EPHA5: variants seen among roughly 807,000 people sequenced by gnomAD.
The protein encoded by EPHA5 is EPH receptor A5, also known as ephrin type-A receptor 5.
Under a neutral mutation model 105.0 loss-of-function variants are expected in EPHA5, and 60 were observed. That is an observed-to-expected ratio of 0.57 (90% CI 0.46 to 0.71). EPHA5 has a LOEUF of 0.71. Among genes scored for constraint, EPHA5 ranks in the 30% least tolerant of loss-of-function variants. The probability of loss-of-function intolerance (pLI) is 0.00; values close to 1 mark genes in which losing one functional copy is unlikely to be tolerated. For synonymous variants in EPHA5, 513 were observed against 449.1 expected (o/e 1.14, Z -1.80); for missense variants, 1,218 against 1,274.7 (o/e 0.96, Z 0.68).
At chr4:65,565,470 T>C (rs931642140) in intron 3 of EPHA5, among the ~76,000 whole-genome samples, 1 of 151,684 alleles carries the variant, frequency 6.6e-6, no homozygotes, top group African/African-American at 2.4e-5. Flanking sequence ...TAATAAGAGA[T>C]TTCCAATAAG....
At chr4:65,399,430 T>C (rs1721594706) in intron 8 of EPHA5, among the ~76,000 whole-genome samples, 1 of 152,062 alleles carries the variant, frequency 6.6e-6, no homozygotes, top group Non-Finnish European at 1.5e-5. Context: ...CCAGGGCGAG[T>C]GGGCAGAACG....
intron 1 of EPHA5, among the ~76,000 whole-genome samples, chr4:65,645,016 T>C (rs966216126): frequency 6.6e-6 from 1 of 152,200 alleles, no homozygotes; most frequent in South Asian, 2.1e-4. Context: ...TGTTAATTTC[T>C]TAAAGGAATG....
At chr4:65,519,812 A>G (rs1400921220) in intron 3 of EPHA5, among the ~76,000 whole-genome samples, 3 of 152,136 alleles carry the variant, frequency 2.0e-5, no homozygotes, top group Non-Finnish European at 4.4e-5. Context: ...TAGGAATCCA[A>G]CTTACAAGTG....
At chr4:65,474,703 G>A (rs1050008293) in intron 5 of EPHA5, among the ~76,000 whole-genome samples, 2 of 152,138 alleles carry the variant, frequency 1.3e-5, no homozygotes, top group African/African-American at 4.8e-5. Context: ...CTACAAAATA[G>A]CTAAGTTGCT....
chr4:65,650,435 C>A (rs944650383), intron 1 of EPHA5, among the ~76,000 whole-genome samples: 1 of 151,618 alleles, frequency 6.6e-6, no homozygotes, highest in African/African-American at 2.4e-5. Flanking sequence ...TGGCGGGCGC[C>A]CGTAGTCCCA....
rs555589626 is a variant in EPHA5 at position 65,429,980 on chromosome 4, A to G, written c.1403-9415T>C. ...ATGACAGCCTGGAACTAGAGAAAAT[A>G]CAGGATTAGTGATTGCAGCTGGTCA... On this transcript the variant is annotated intron_variant, in intron 5 of 16. Transcript: ENST00000613740. Among the ~76,000 whole-genome samples, 12 of 152,232 alleles carry G rather than the reference A, an allele frequency of 7.9e-5. No homozygotes were observed. The East Asian group carries it at 1.4e-3, about 17-fold the overall frequency.
At chr4:65,327,230 A>G (rs1170622481) in intron 16 of EPHA5, among the ~76,000 whole-genome samples, 4 of 151,210 alleles carry the variant, frequency 2.6e-5, no homozygotes, top group Non-Finnish European at 5.9e-5. Flanking sequence ...TGAAATCTGT[A>G]CTTTGTCAGA....
At chr4:65,350,508 A>T (rs1452432002) in intron 13 of EPHA5, among the ~76,000 whole-genome samples, 1 of 152,118 alleles carries the variant, frequency 6.6e-6, no homozygotes, top group Non-Finnish European at 1.5e-5. Flanking sequence ...GGAAAAATAA[A>T]CAATGACAGA....
chr4:65,540,077 G>A (rs188041084), intron 3 of EPHA5, among the ~76,000 whole-genome samples: 251 of 136,984 alleles, frequency 1.8e-3, no homozygotes, highest in Non-Finnish European at 3.1e-3. Flanking sequence ...GACAAAGTCA[G>A]CACCATGCAT....
At chr4:65,352,693 A>G (rs114935219) in intron 12 of EPHA5, among the ~76,000 whole-genome samples, 25 of 152,024 alleles carry the variant, frequency 1.6e-4, no homozygotes, top group African/African-American at 6.0e-4. Flanking sequence ...AGAAAATCGA[A>G]CACTTGTAAG....
intron 6 of EPHA5, among the ~76,000 whole-genome samples, chr4:65,417,817 T>G (rs1480621737): frequency 6.6e-6 from 1 of 152,162 alleles, no homozygotes; most frequent in African/African-American, 2.4e-5. Flanking sequence ...AACTCTTTGT[T>G]GTAACAGAAG....
At chr4:65,576,645 G>C (rs1166970727) in intron 3 of EPHA5, among the ~76,000 whole-genome samples, 1 of 152,180 alleles carries the variant, frequency 6.6e-6, no homozygotes, top group African/African-American at 2.4e-5. Flanking sequence ...GTGGTTAAAT[G>C]TCTTCCTCCA....
At position 65,387,807 on chromosome 4, in the gene EPHA5, T is replaced by C. The variant is rs1015097510; in HGVS notation, c.1793+16567A>G. On this transcript the variant is annotated intron_variant, in intron 8 of 16. Transcript: ENST00000613740. Reference sequence around the variant, plus strand: ...TTTGTCCATCTAAATTCATTTTTTTTGTATGTCTCATTCTTTTTTTTTATT... The same window carrying C: ...TTTGTCCATCTAAATTCATTTTTTTCGTATGTCTCATTCTTTTTTTTTATT... 2.0e-5 allele frequency among the ~76,000 whole-genome samples: 3 copies of C among 151,892 alleles called. No homozygotes were observed. In the East Asian group the frequency reaches 5.8e-4, roughly 30 times the overall value.
chr4:65,349,821 C>G (rs1270496852), intron 13 of EPHA5, among the ~76,000 whole-genome samples: 2 of 152,070 alleles, frequency 1.3e-5, no homozygotes, highest in Admixed American at 1.3e-4. Flanking sequence ...TCTATAATGT[C>G]TTATTAATAT....
At chr4:65,583,301 AAATT>A (rs1281932777) in intron 3 of EPHA5, among the ~76,000 whole-genome samples, 1 of 151,722 alleles carries the variant, frequency 6.6e-6, no homozygotes, top group East Asian at 1.9e-4. Context: ...CATAAAGAGA[AAATT>A]AATTTAAAAG....
At chr4:65,491,181 TA>T (rs78417500) in intron 4 of EPHA5, among the ~76,000 whole-genome samples, 338 of 119,890 alleles carry the variant, frequency 2.8e-3, no homozygotes, top group African/African-American at 4.2e-3. Context: ...ATGTTGTAAG[TA>T]AAAAAAAAAA....
chr4:65,426,578 T>C (rs1479922741), intron 5 of EPHA5, among the ~76,000 whole-genome samples: 2 of 152,180 alleles, frequency 1.3e-5, no homozygotes, highest in Admixed American at 6.5e-5. Flanking sequence ...CTCATGTGCC[T>C]TGAAAATTCC....
chr4:65,337,300 C>A (rs1421329400), intron 14 of EPHA5, among the ~76,000 whole-genome samples: 2 of 152,070 alleles, frequency 1.3e-5, no homozygotes, highest in African/African-American at 4.8e-5. Context: ...CGCAGTGCTG[C>A]AGAACACAAG....
Position 65,602,206 on chromosome 4 carries a change from G to T in EPHA5, c.345C>A (p.Thr115=). The T allele has an allele frequency of 6.2e-7, 1 of 1,613,714 alleles. No homozygotes were observed. Among genetic ancestry groups the T allele is most frequent in the South Asian group, 1.1e-5 (1 of 91,084 alleles). ...MEQNQNNWLL[T]SWISNEGASR... ...AAGCACCTTCATTGGAGATCCAACT[G>T]GTCAAAAGCCAGTTATTCTGATTCT... The change falls in exon 3 of 17, where the codon ACC becomes ACA. Residue 115 remains threonine, a synonymous_variant. Coordinates refer to ENST00000613740, the MANE Select transcript of EPHA5 (RefSeq NM_001281766.3).
Sources: allele counts gnomAD v4.1 joint callset (sites outside exome capture counted in the v4.1 genomes callset), GRCh38; gene constraint gnomAD v4.1.1; transcripts MANE v1.5; gene names NCBI Gene and HGNC (gene_info 2026-07-23, HGNC 2026-07-21).